Variants in ARHGEF9 observed in about 807,000 individuals in gnomAD.
ARHGEF9 encodes rho guanine nucleotide exchange factor 9.
In ARHGEF9, 2 loss-of-function variants were observed where a neutral mutation model predicts 41.3. That is an observed-to-expected ratio of 0.05 (90% CI 0.02 to 0.15). ARHGEF9 has a LOEUF of 0.15. ARHGEF9 is among the 10% of genes least tolerant of loss of function. ARHGEF9 has a pLI of 1.00. For missense variants in ARHGEF9, 225 were observed against 424.7 expected (o/e 0.53, Z 4.13); for synonymous variants, 160 against 154.4 (o/e 1.04, Z -0.27).
intron 1 of ARHGEF9, among the ~76,000 whole-genome samples, chrX:63,771,148 T>C (rs782744442): frequency 1.8e-5 from 2 of 112,129 alleles, no homozygotes; most frequent in East Asian, 2.8e-4. Flanking sequence ...TTTTTTCATA[T>C]GTTTGTTGAC....
chrX:63,700,853 T>C (rs1450999866), intron 3 of ARHGEF9, among the ~76,000 whole-genome samples: 1 of 111,534 alleles, frequency 9.0e-6, no homozygotes, highest in African/African-American at 3.3e-5. Flanking sequence ...CCCATCTGAA[T>C]GGTAACAGGG....
rs145513978 is a variant in ARHGEF9 at position 63,692,400 on chromosome X, G to A, written c.582+4725C>T. On this transcript the variant is annotated intron_variant, in intron 4 of 9. Coordinates refer to ENST00000671741, the MANE Select transcript of ARHGEF9 (RefSeq NM_001353921.2). ...TAATCTGATTTAAAAGTGGGCAAAT[G>A]CTCTGAACAGACATTTCTTAAAAGA... 5.8e-3 allele frequency among the ~76,000 whole-genome samples: 656 copies of A among 112,370 alleles called. 6 individuals carry two copies. The highest frequency in any genetic ancestry group is 0.02 in the African/African-American group (628 of 30,957).
At chrX:63,765,044 T>G (rs187103844) in intron 1 of ARHGEF9, among the ~76,000 whole-genome samples, 2 of 111,872 alleles carry the variant, frequency 1.8e-5, no homozygotes, top group Non-Finnish European at 3.8e-5. Flanking sequence ...ATCTCACCTA[T>G]TCAAGGCTCC....
At chrX:63,736,915 C>A (rs1556423392) in intron 1 of ARHGEF9, 1 of 111,472 alleles carries the variant, frequency 9.0e-6, no homozygotes, top group Non-Finnish European at 1.9e-5. Context: ...AAAAACTCCA[C>A]AAAATAGAAA....
chrX:63,647,716 G>A (rs1342419461), intron 8 of ARHGEF9, among the ~76,000 whole-genome samples: 1 of 111,048 alleles, frequency 9.0e-6, no homozygotes, highest in African/African-American at 3.3e-5. Flanking sequence ...TCTCTGCCAG[G>A]CTTTGGTATC....
At chrX:63,686,130 CAAAT>C (rs1454844124) in intron 4 of ARHGEF9, among the ~76,000 whole-genome samples, 1 of 111,557 alleles carries the variant, frequency 9.0e-6, no homozygotes, top group Non-Finnish European at 1.9e-5. Flanking sequence ...TGTCCATCAA[CAAAT>C]GAATGGATAA....
intron 9 of ARHGEF9, chrX:63,641,850 T>TA (rs1556306558): frequency 9.0e-6 from 1 of 111,679 alleles, no homozygotes; most frequent in Non-Finnish European, 1.9e-5. Context: ...GGGCACCATT[T>TA]AAACAGCTGC....
intron 1 of ARHGEF9, among the ~76,000 whole-genome samples, chrX:63,784,217 A>G (rs2056425477): frequency 8.9e-6 from 1 of 111,948 alleles, no homozygotes; most frequent in Non-Finnish European, 1.9e-5. Flanking sequence ...AGCTGAGGAC[A>G]AAGTCATGGG....
At chrX:63,773,211 G>T (rs2056233247) in intron 1 of ARHGEF9, among the ~76,000 whole-genome samples, 1 of 111,983 alleles carries the variant, frequency 8.9e-6, no homozygotes, top group African/African-American at 3.2e-5. Context: ...TAAAAGCAAT[G>T]ATATCTTAAG....
chrX:63,755,378 C>T (rs1194090913), intron 1 of ARHGEF9: 1 of 409,668 alleles, frequency 2.4e-6, no homozygotes, highest in Non-Finnish European at 3.6e-6. Context: ...GGGTGGGGAG[C>T]TTCTTGGGGG....
At chrX:63,708,186 C>T (rs1431793473) in intron 2 of ARHGEF9, among the ~76,000 whole-genome samples, 1 of 111,625 alleles carries the variant, frequency 9.0e-6, no homozygotes, top group Non-Finnish European at 1.9e-5. Flanking sequence ...ATACATGATG[C>T]TGTCTATTTG....
intron 1 of ARHGEF9, among the ~76,000 whole-genome samples, chrX:63,760,435 C>T (rs2056014029): frequency 9.0e-6 from 1 of 111,501 alleles, no homozygotes; most frequent in African/African-American, 3.3e-5. Context: ...CACTACTCCT[C>T]CAAAATCAGT....
chrX:63,760,235 C>T (rs2056011199), intron 1 of ARHGEF9, among the ~76,000 whole-genome samples: 1 of 110,844 alleles, frequency 9.0e-6, no homozygotes, highest in South Asian at 3.9e-4. Context: ...CCCATCCAAC[C>T]CCTACCCTAG....
Position 63,678,207 on chromosome X carries a change from T to G in ARHGEF9, c.815+133A>C, listed in dbSNP as rs2050393949. 6.9e-6 allele frequency: 4 copies of G among 580,312 alleles called. No individual in the cohort carries two copies. In the South Asian group the frequency reaches 1.0e-4, roughly 15 times the overall value. 47.8% of individuals were successfully genotyped at this position (580,312 alleles called of 1,213,427 possible). A position where few individuals can be genotyped will look rare whatever the true frequency, so the allele number is the denominator to read the frequency against. ...CTGTACCCTGTTGGCTATGAGGCAA[T>G]CAAGAATGTATCATCCTGTTTTGCA... is the stretch of plus-strand genomic sequence containing the variant. On this transcript the variant is annotated intron_variant, in intron 5 of 9. Coordinates refer to ENST00000671741, the MANE Select transcript of ARHGEF9 (RefSeq NM_001353921.2).
In ARHGEF9 at chrX:63,678,488, G is replaced by A. The variant is rs782139620; in HGVS notation, c.667C>T (p.Arg223Cys). ...CAGGCCTCAAAGAAGTGCTGGTAGCGGCTGTCCTTCATCAGTTTGGAGAGC... is the reference window on the plus strand; with the variant it reads ...CAGGCCTCAAAGAAGTGCTGGTAGCAGCTGTCCTTCATCAGTTTGGAGAGC... ...MELSKLMKDS[R>C]YQHFFEACRL... is the part of the protein sequence containing the mutation. The change falls in exon 5 of 10, where the codon CGC (arginine) becomes TGC (cysteine). Residue 223 changes from arginine (R) to cysteine (C), a missense_variant. Arg to Cys is a radical substitution (Grantham distance 180, BLOSUM62 -3). This residue lies in a region of ARHGEF9 where 114 missense variants were observed against 197.9 expected (regional missense o/e 0.58). Coordinates refer to ENST00000671741, the MANE Select transcript of ARHGEF9 (RefSeq NM_001353921.2). The A allele has an allele frequency of 9.1e-6, 11 of 1,203,270 alleles. No individual in the cohort carries two copies. The Admixed American group carries it at 1.8e-4, about 19-fold the overall frequency.
intron 7 of ARHGEF9, among the ~76,000 whole-genome samples, chrX:63,664,829 T>A (rs1451339247): frequency 9.0e-6 from 1 of 111,411 alleles, no homozygotes; most frequent in African/African-American, 3.3e-5. Flanking sequence ...AGCAAATGGA[T>A]AAAGATTCAA....
intron 3 of ARHGEF9, among the ~76,000 whole-genome samples, chrX:63,702,279 T>C (rs2052238117): frequency 8.9e-6 from 1 of 112,489 alleles, no homozygotes; most frequent in South Asian, 3.7e-4. Context: ...TTAGCTCTGC[T>C]TACTCTTGCC....
chrX:63,656,549 A>G (rs1181073136), intron 7 of ARHGEF9: 1 of 111,405 alleles, frequency 9.0e-6, no homozygotes, highest in Admixed American at 9.5e-5. Flanking sequence ...TCTGCCACCA[A>G]TCCCAAAGTT....
intron 6 of ARHGEF9, 33 bp from the exon 7 acceptor site, chrX:63,666,050 A>G: frequency 8.3e-7 from 1 of 1,208,172 alleles, no homozygotes; most frequent in Non-Finnish European, 1.1e-6. Context: ...AGAGGCAGCC[A>G]GGCAGAAGGA....
Sources: gnomAD v4.1 joint callset for allele counts (sites outside exome capture counted in the v4.1 genomes callset) on GRCh38, gnomAD v4.1.1 for gene constraint, gnomAD v4.1.1 regional missense constraint, MANE v1.5 for transcripts, NCBI Gene and HGNC (gene_info 2026-07-23, HGNC 2026-07-21) for gene names.